Variants in STAC observed in about 807,000 individuals in gnomAD.
STAC encodes SH3 and cysteine rich domain.
STAC carries 43 observed loss-of-function variants against 48.8 expected under a neutral mutation model. The observed-to-expected ratio is 0.88, with a 90% confidence interval of 0.69 to 1.14. The LOEUF is 1.14. STAC is among the 50% of genes most tolerant of loss of function. The pLI, the probability that STAC is intolerant of heterozygous loss-of-function variation, is 0.00. For missense variants in STAC, 497 were observed against 504.0 expected, an observed-to-expected ratio of 0.99 and a Z score of 0.13; for synonymous variants, 193 against 179.5, an observed-to-expected ratio of 1.07 and a Z score of -0.60.
chr3:36,411,961 G>GTA (rs1367170616), intron 1 of STAC, among the ~76,000 whole-genome samples: 1 of 152,134 alleles, frequency 6.6e-6, no homozygotes, highest in African/African-American at 2.4e-5. Context: ...GCCCATGGGA[G>GTA]TATAGCATAT....
At chr3:36,446,340 A>G (rs1441109372) in intron 2 of STAC, among the ~76,000 whole-genome samples, 2 of 152,216 alleles carry the variant, frequency 1.3e-5, no homozygotes, top group Non-Finnish European at 2.9e-5. Context: ...GTCAGCTTCA[A>G]TGCTGAATGC....
At chr3:36,395,881 A>G (rs1004159777) in intron 1 of STAC, among the ~76,000 whole-genome samples, 17 of 152,134 alleles carry the variant, frequency 1.1e-4, no homozygotes, top group African/African-American at 2.2e-4. Flanking sequence ...GAATCATCCA[A>G]CAAGAAAACA....
intron 6 of STAC, among the ~76,000 whole-genome samples, chr3:36,502,255 C>T (rs996951637): frequency 7.9e-5 from 12 of 152,070 alleles, no homozygotes; most frequent in East Asian, 3.9e-4. Flanking sequence ...GTGAAATAAA[C>T]GACCAAGTTA....
Position 36,467,486 on chromosome 3 carries a change from T to C in STAC, c.389-15506T>C, listed in dbSNP as rs559267702. Reference sequence around the variant, plus strand: ...TCTGTGCGGTTCTGGACTTTTTTTGTTGGCAATTTTTTTGTTGCCATTTCA... The same window carrying C: ...TCTGTGCGGTTCTGGACTTTTTTTGCTGGCAATTTTTTTGTTGCCATTTCA... On this transcript the variant is annotated intron_variant, in intron 2 of 10. Coordinates refer to ENST00000273183, the MANE Select transcript of STAC (RefSeq NM_003149.3). 2.6e-5 allele frequency among the ~76,000 whole-genome samples: 4 copies of C among 152,256 alleles called. No individual in the cohort carries two copies. The East Asian group carries it at 7.7e-4, about 29-fold the overall frequency.
At chr3:36,406,643 C>G (rs1050347879) in intron 1 of STAC, among the ~76,000 whole-genome samples, 9 of 152,230 alleles carry the variant, frequency 5.9e-5, no homozygotes, top group Non-Finnish European at 7.3e-5. Flanking sequence ...GAGCAAGCTA[C>G]AGTCTGCAGG....
At chr3:36,460,621 G>GCACAGGGCAGCCCTGCACACATA (rs1179907341) in intron 2 of STAC, among the ~76,000 whole-genome samples, 1 of 151,516 alleles carries the variant, frequency 6.6e-6, no homozygotes, top group Non-Finnish European at 1.5e-5. Context: ...TGCTAACTAT[G>GCACAGGGCAGCCCTGCACACATA]CACAGGGCAG....
chr3:36,408,391 T>C (rs557966511), intron 1 of STAC, among the ~76,000 whole-genome samples: 1 of 152,350 alleles, frequency 6.6e-6, no homozygotes, highest in African/African-American at 2.4e-5. Context: ...TCTGTATGTT[T>C]AGGAGACCCT....
At chr3:36,425,974 G>C (rs549778878) in intron 1 of STAC, among the ~76,000 whole-genome samples, 1 of 152,300 alleles carries the variant, frequency 6.6e-6, no homozygotes, top group South Asian at 2.1e-4. Context: ...AGAGGTTGCA[G>C]TAAGCTGAGA....
At chr3:36,388,381 T>A (rs138952620) in intron 1 of STAC, among the ~76,000 whole-genome samples, 4 of 152,218 alleles carry the variant, frequency 2.6e-5, no homozygotes, top group Non-Finnish European at 5.9e-5. Flanking sequence ...TATTTATAAA[T>A]ATTAAATTCA....
At chr3:36,390,775 T>C (rs556307296) in intron 1 of STAC, among the ~76,000 whole-genome samples, 2 of 152,288 alleles carry the variant, frequency 1.3e-5, no homozygotes, top group East Asian at 3.9e-4. Context: ...GTATGGAACA[T>C]TTTATGGAAC....
chr3:36,522,213 T>C (rs1429843347), intron 8 of STAC, among the ~76,000 whole-genome samples: 1 of 152,228 alleles, frequency 6.6e-6, no homozygotes, highest in African/African-American at 2.4e-5. Context: ...GTATTTGGGA[T>C]TTTTGTTTGG....
chr3:36,506,062 T>G (rs1270455740), intron 8 of STAC: 2 of 355,018 alleles, frequency 5.6e-6, no homozygotes, highest in African/African-American at 2.1e-5. Context: ...TCCTAAGGAG[T>G]TCCCAGGTGG....
intron 1 of STAC, among the ~76,000 whole-genome samples, chr3:36,386,079 A>G (rs899024268): frequency 6.6e-6 from 1 of 152,076 alleles, no homozygotes; most frequent in Non-Finnish European, 1.5e-5. Flanking sequence ...AAATGGCTGT[A>G]CCACTTCATA....
intron 1 of STAC, among the ~76,000 whole-genome samples, chr3:36,383,595 T>A (rs942715889): frequency 6.6e-6 from 1 of 152,178 alleles, no homozygotes; most frequent in African/African-American, 2.4e-5. Flanking sequence ...TAAACATGAC[T>A]ATAATCCCAA....
Position 36,424,098 on chromosome 3 carries a change from G to A in STAC, c.112-19266G>A, listed in dbSNP as rs536024695. Among the ~76,000 whole-genome samples, 8 of 152,258 alleles carry A rather than the reference G, an allele frequency of 5.3e-5. No individual in the cohort carries two copies. In the East Asian group the frequency reaches 5.8e-4, roughly 11 times the overall value. On this transcript the variant is annotated intron_variant, in intron 1 of 10. Transcript: ENST00000273183. ...TCCCCAGCAAAATGGATGACAGGCA[G>A]CATGTAGCTGATAAGTATTTGTGGA...
intron 5 of STAC, among the ~76,000 whole-genome samples, chr3:36,492,031 A>AAAAATAT (rs1553639882): frequency 1.2e-4 from 2 of 16,440 alleles, no homozygotes; most frequent in African/African-American, 1.9e-4. Flanking sequence ...AAAAAAAAAA[A>AAAAATAT]ATATATATAT....
intron 2 of STAC, among the ~76,000 whole-genome samples, chr3:36,467,383 G>A (rs1446054847): frequency 6.6e-6 from 1 of 151,922 alleles, no homozygotes; most frequent in Non-Finnish European, 1.5e-5. Context: ...AGAATTTACT[G>A]TTTCTCCGTC....
intron 2 of STAC, among the ~76,000 whole-genome samples, chr3:36,444,303 G>T (rs1417183782): frequency 6.6e-6 from 1 of 152,152 alleles, no homozygotes; most frequent in African/African-American, 2.4e-5. Flanking sequence ...CCACCAGAAA[G>T]TTGCCTAAAA....
At chr3:36,469,425 C>A (rs76630785) in intron 2 of STAC, among the ~76,000 whole-genome samples, 1 of 152,072 alleles carries the variant, frequency 6.6e-6, no homozygotes, top group African/African-American at 2.4e-5. Flanking sequence ...TAATCCCTTC[C>A]AGCTTATAAG....
Sources: allele counts gnomAD v4.1 joint callset (sites outside exome capture counted in the v4.1 genomes callset), GRCh38; gene constraint gnomAD v4.1.1; transcripts MANE v1.5; gene names NCBI Gene and HGNC (gene_info 2026-07-23, HGNC 2026-07-21).